TPO: variants seen among roughly 807,000 people sequenced by gnomAD.
The protein encoded by TPO is thyroid peroxidase.
In TPO, 78 loss-of-function variants were observed where a neutral mutation model predicts 96.9. The observed-to-expected ratio is 0.81, with a 90% CI of 0.67 to 0.97. TPO has a LOEUF of 0.97. Ranked by LOEUF, TPO falls within the 50% of genes least tolerant of loss-of-function variation. TPO has a pLI of 0.00. For missense variants in TPO, 1,252 were observed against 1,274.8 expected (o/e 0.98, Z 0.27); for synonymous variants, 547 against 538.0 (o/e 1.02, Z -0.23).
intron 15 of TPO, among the ~76,000 whole-genome samples, chr2:1,523,227 G>A (rs1405865133): frequency 5.3e-4 from 21 of 39,818 alleles, no homozygotes; most frequent in Non-Finnish European, 2.7e-4. Flanking sequence ...CCCACTTTGA[G>A]CAACCTCCCC....
At chr2:1,482,131 G>C (rs80220782) in intron 8 of TPO, among the ~76,000 whole-genome samples, 5,914 of 152,304 alleles carry the variant, frequency 0.039, 165 homozygotes, top group Middle Eastern at 0.12. Context: ...GAAAGCAGTC[G>C]AGAGTCAGAA....
At chr2:1,403,748 C>T (rs944216081) in intron 1 of TPO, among the ~76,000 whole-genome samples, 1 of 152,214 alleles carries the variant, frequency 6.6e-6, no homozygotes, top group African/African-American at 2.4e-5. Flanking sequence ...TCCTTCCGAG[C>T]ACACCGTGGG....
At chr2:1,537,735 T>TG (rs1485418896) in intron 15 of TPO, among the ~76,000 whole-genome samples, 1 of 70,984 alleles carries the variant, frequency 1.4e-5, no homozygotes, top group Admixed American at 2.0e-4. Context: ...ATCCCCCAAC[T>TG]GTCTGCAAAC....
intron 5 of TPO, among the ~76,000 whole-genome samples, chr2:1,451,325 C>T (rs972867728): frequency 1.3e-5 from 2 of 152,166 alleles, no homozygotes; most frequent in African/African-American, 2.4e-5. Flanking sequence ...AAATCGGTCA[C>T]ATTTAATACG....
chr2:1,493,220 G>C (rs1249760792), intron 10 of TPO, among the ~76,000 whole-genome samples: 1 of 106,210 alleles, frequency 9.4e-6, no homozygotes, highest in South Asian at 3.7e-4. Flanking sequence ...GGGGGGGGGG[G>C]TGCTGGCTTC....
At chr2:1,537,733 ACT>A (rs1393870465) in intron 15 of TPO, among the ~76,000 whole-genome samples, 6 of 71,396 alleles carry the variant, frequency 8.4e-5, no homozygotes, top group Non-Finnish European at 1.4e-4. Flanking sequence ...AAATCCCCCA[ACT>A]GTCTGCAAAC....
intron 1 of TPO, among the ~76,000 whole-genome samples, chr2:1,395,869 C>A (rs55884821): frequency 0.38 from 57,618 of 152,122 alleles, 12,349 homozygotes; most frequent in Admixed American, 0.48. Flanking sequence ...GTAAGAGGTG[C>A]CTTTGCCTCT....
chr2:1,535,671 C>G lies in TPO; in HGVS notation c.2619-4923C>G, dbSNP rs149613814. ...TGCAACCTCCTCAAATCCCCCCACT[C>G]TGTGCAACCTCCCCACATGCCCCCA... On this transcript the variant is annotated intron_variant, in intron 15 of 16. Coordinates refer to ENST00000329066, the MANE Select transcript of TPO (RefSeq NM_001206744.2). Among the ~76,000 whole-genome samples the G allele has an allele frequency of 5.0e-3, 408 of 81,032 alleles. 58 individuals are homozygous for G. Among genetic ancestry groups the G allele is most frequent in the African/African-American group, 0.016 (354 of 22,290 alleles). The allele number at this position is 81,032 out of a possible 152,430, so 53.2% of individuals were successfully genotyped here. A position where few individuals can be genotyped will look rare whatever the true frequency, so the allele number is the denominator to read the frequency against.
At chr2:1,517,949 C>G (rs1253237662) in intron 15 of TPO, among the ~76,000 whole-genome samples, 2 of 147,104 alleles carry the variant, frequency 1.4e-5, no homozygotes, top group South Asian at 2.1e-4. Flanking sequence ...CTCCCCCCCC[C>G]AATATGCCCT....
At chr2:1,441,087 T>C (rs1666145451) in intron 5 of TPO, among the ~76,000 whole-genome samples, 2 of 151,070 alleles carry the variant, frequency 1.3e-5, no homozygotes, top group Non-Finnish European at 2.9e-5. Flanking sequence ...ATCTAGTCAT[T>C]GCTGCAGGAG....
chr2:1,386,399 T>C (rs1051777904), intron 1 of TPO, among the ~76,000 whole-genome samples: 1 of 152,240 alleles, frequency 6.6e-6, no homozygotes, highest in African/African-American at 2.4e-5. Context: ...TGGGCGATCC[T>C]GTATTAGGTG....
chr2:1,427,829 G>T (rs1664580372), intron 3 of TPO, among the ~76,000 whole-genome samples: 1 of 152,122 alleles, frequency 6.6e-6, no homozygotes, highest in African/African-American at 2.4e-5. Context: ...ACAATTTGCT[G>T]TGAGTTCCAG....
At chr2:1,538,559 C>A (rs1386400594) in intron 15 of TPO, among the ~76,000 whole-genome samples, 2 of 152,068 alleles carry the variant, frequency 1.3e-5, no homozygotes, top group African/African-American at 4.8e-5. Context: ...ACAGTGAATG[C>A]CAATTATTTT....
chr2:1,493,147 C>T (rs1040162536), intron 10 of TPO, among the ~76,000 whole-genome samples: 2 of 134,046 alleles, frequency 1.5e-5, no homozygotes, highest in Admixed American at 9.4e-5. Context: ...GATCTCCAGT[C>T]TTCAATATGG....
intron 1 of TPO, among the ~76,000 whole-genome samples, chr2:1,402,544 A>C (rs1442454597): frequency 6.6e-6 from 1 of 152,170 alleles, no homozygotes; most frequent in Non-Finnish European, 1.5e-5. Flanking sequence ...ATTTATATAA[A>C]GGAAAAGAGG....
rs142079783 is a variant in TPO at position 1,434,680 on chromosome 2, G to T, written c.349+1073G>T. On this transcript the variant is annotated intron_variant, in intron 4 of 16. Coordinates refer to ENST00000329066, the MANE Select transcript of TPO (RefSeq NM_001206744.2). ...CACTGCCGGGTCTGTAGACATCGAT[G>T]TTTAGGAGAATAGGCTGAGGTATTT... Among the ~76,000 whole-genome samples, 161 of 152,284 alleles carry T rather than the reference G, an allele frequency of 1.1e-3. 3 individuals carry two copies. Among genetic ancestry groups the T allele is most frequent in the African/African-American group, 3.8e-3 (159 of 41,544 alleles).
intron 15 of TPO, among the ~76,000 whole-genome samples, chr2:1,535,126 C>A (rs1420635600): frequency 2.1e-5 from 2 of 95,948 alleles, no homozygotes; most frequent in Non-Finnish European, 4.3e-5. Flanking sequence ...CACATCCCCC[C>A]ACTCTGTGCA....
intron 5 of TPO, chr2:1,439,056 G>T: frequency 1.9e-6 from 1 of 539,584 alleles, no homozygotes; most frequent in South Asian, 2.9e-5. Flanking sequence ...TTTAAAAAAT[G>T]TATTGTGCCT....
intron 1 of TPO, among the ~76,000 whole-genome samples, chr2:1,402,765 C>T (rs953490034): frequency 6.6e-6 from 1 of 152,144 alleles, no homozygotes; most frequent in African/African-American, 2.4e-5. Context: ...AATTATCTCC[C>T]GCTGGGTCCC....
Sources: allele counts gnomAD v4.1 joint callset (sites outside exome capture counted in the v4.1 genomes callset), GRCh38; gene constraint gnomAD v4.1.1; transcripts MANE v1.5; gene names NCBI Gene and HGNC (gene_info 2026-07-23, HGNC 2026-07-21).